Variants in GLIS3 observed in about 807,000 individuals in gnomAD.
GLIS3 encodes GLIS family zinc finger 3, also known as zinc finger protein GLIS3.
Under a neutral mutation model 78.6 loss-of-function variants are expected in GLIS3, and 53 were observed. The observed-to-expected ratio is 0.67, with a 90% confidence interval of 0.54 to 0.85. GLIS3 has a LOEUF of 0.85. Ranked by LOEUF, GLIS3 falls within the 40% of genes least tolerant of loss-of-function variation. The pLI is 0.00. For missense variants in GLIS3, 1,703 were observed against 1,231.1 expected, an observed-to-expected ratio of 1.38 and a Z score of -5.74; for synonymous variants, 684 against 509.9, an observed-to-expected ratio of 1.34 and a Z score of -4.60.
chr9:3,894,442 T>C (rs1822681050), intron 7 of GLIS3, among the ~76,000 whole-genome samples: 1 of 152,152 alleles, frequency 6.6e-6, no homozygotes, highest in Non-Finnish European at 1.5e-5. Flanking sequence ...CGACAGCAAA[T>C]ATACTCAATT....
At chr9:4,379,777 T>C in the GLIS3 span, among the ~76,000 whole-genome samples, 2 of 152,276 alleles carry the variant, frequency 1.3e-5, no homozygotes, top group Non-Finnish European at 2.9e-5. Flanking sequence ...AATATCTTTT[T>C]GCTCTTGAAG....
intron 1 of GLIS3, among the ~76,000 whole-genome samples, chr9:4,287,980 T>C (rs974065074): frequency 6.6e-6 from 1 of 152,202 alleles, no homozygotes; most frequent in Non-Finnish European, 1.5e-5. Context: ...CATTTAATAC[T>C]ATCATGCCAT....
the GLIS3 span, among the ~76,000 whole-genome samples, chr9:4,371,157 G>A: frequency 6.6e-6 from 1 of 152,268 alleles, no homozygotes; most frequent in African/African-American, 2.4e-5. Flanking sequence ...CATTTGGTCA[G>A]GCCTGGTTAC....
At chr9:4,407,950 G>C in the GLIS3 span, among the ~76,000 whole-genome samples, 1 of 152,074 alleles carries the variant, frequency 6.6e-6, no homozygotes, top group Non-Finnish European at 1.5e-5. Context: ...ATTTTAAAAT[G>C]GGCAAAGATC....
At chr9:4,025,537 A>T (rs568265953) in intron 4 of GLIS3, among the ~76,000 whole-genome samples, 3 of 151,868 alleles carry the variant, frequency 2.0e-5, no homozygotes, top group African/African-American at 4.8e-5. Flanking sequence ...ACAGGCACCC[A>T]CCACCATGCC....
intron 4 of GLIS3, among the ~76,000 whole-genome samples, chr9:4,109,684 G>C (rs1831053968): frequency 6.6e-6 from 1 of 152,080 alleles, no homozygotes; most frequent in South Asian, 2.1e-4. Context: ...ATATTAACTA[G>C]GTTTCCAATT....
intron 4 of GLIS3, among the ~76,000 whole-genome samples, chr9:4,036,455 A>G (rs1824317466): frequency 6.6e-6 from 1 of 152,220 alleles, no homozygotes. Context: ...GACAACTTGA[A>G]TTGAAAGCAA....
intron 2 of GLIS3, among the ~76,000 whole-genome samples, chr9:4,332,440 C>G (rs1021988136): frequency 6.6e-6 from 1 of 152,184 alleles, no homozygotes; most frequent in African/African-American, 2.4e-5. Context: ...TGAGTATGGC[C>G]ACGTGACTAA....
At chr9:4,206,370 A>G (rs767138980) in intron 2 of GLIS3, among the ~76,000 whole-genome samples, 1 of 152,258 alleles carries the variant, frequency 6.6e-6, no homozygotes, top group African/African-American at 2.4e-5. Flanking sequence ...ACCAAATTGC[A>G]GTATATGAAG....
At chr9:4,333,289 C>T (rs564519176) in intron 2 of GLIS3, among the ~76,000 whole-genome samples, 2 of 107,238 alleles carry the variant, frequency 1.9e-5, no homozygotes, top group Admixed American at 1.0e-4. Context: ...ATGGTAGGGG[C>T]AGGGGAAGGG....
At chr9:4,023,359 T>C (rs1277579428) in intron 4 of GLIS3, among the ~76,000 whole-genome samples, 2 of 152,176 alleles carry the variant, frequency 1.3e-5, no homozygotes, top group African/African-American at 4.8e-5. Flanking sequence ...CATTCTGCTA[T>C]TTTTTATTGT....
chr9:4,485,719 C>CT, the GLIS3 span, among the ~76,000 whole-genome samples: 37,934 of 143,146 alleles, frequency 0.27, 5,903 homozygotes, highest in African/African-American at 0.44. Context: ...CCTGCCTCTG[C>CT]TTTTTTTTTT....
the GLIS3 span, among the ~76,000 whole-genome samples, chr9:4,371,712 C>G: frequency 6.6e-6 from 1 of 152,154 alleles, no homozygotes; most frequent in Non-Finnish European, 1.5e-5. Context: ...CAAAAGTCAT[C>G]TTTGCAAAAC....
At chr9:4,374,592 C>G in the GLIS3 span, among the ~76,000 whole-genome samples, 2 of 152,178 alleles carry the variant, frequency 1.3e-5, no homozygotes, top group Non-Finnish European at 2.9e-5. Context: ...GGGAACTATT[C>G]CCCCTTCCTC....
chr9:3,838,503 T>A (rs1317688989), intron 9 of GLIS3, among the ~76,000 whole-genome samples: 2 of 152,074 alleles, frequency 1.3e-5, no homozygotes, highest in Non-Finnish European at 2.9e-5. Context: ...TGCTTCCTGG[T>A]GAATGGAATG....
At chr9:4,255,759 C>G (rs562487691) in intron 2 of GLIS3, among the ~76,000 whole-genome samples, 1 of 152,124 alleles carries the variant, frequency 6.6e-6, no homozygotes, top group South Asian at 2.1e-4. Flanking sequence ...GGCAGTGAAA[C>G]TATTCTATAT....
the GLIS3 span, among the ~76,000 whole-genome samples, chr9:4,466,965 T>C: frequency 1.3e-5 from 2 of 152,208 alleles, no homozygotes; most frequent in East Asian, 3.8e-4. Flanking sequence ...TCTTAGCAAA[T>C]GGCACACCAG....
At chr9:4,444,098 G>A in the GLIS3 span, among the ~76,000 whole-genome samples, 2 of 152,120 alleles carry the variant, frequency 1.3e-5, no homozygotes, top group Non-Finnish European at 2.9e-5. Flanking sequence ...TTGATCTGGT[G>A]GTCAGTCATA....
At chr9:4,472,289 T>C in the GLIS3 span, among the ~76,000 whole-genome samples, 1 of 152,188 alleles carries the variant, frequency 6.6e-6, no homozygotes, top group Non-Finnish European at 1.5e-5. Flanking sequence ...ATCATGCTAC[T>C]ATAAAGACAC....
Sources: gnomAD v4.1 joint callset for allele counts (sites outside exome capture counted in the v4.1 genomes callset) on GRCh38, gnomAD v4.1.1 for gene constraint, MANE v1.5 for transcripts, NCBI Gene and HGNC (gene_info 2026-07-23, HGNC 2026-07-21) for gene names.